The following RASEF variants were observed in gnomAD, a reference collection of about 807,000 sequenced individuals.
RASEF encodes the protein ras and EF-hand domain-containing protein.
In RASEF, 68 loss-of-function variants were observed where a neutral mutation model predicts 90.1. That is an observed-to-expected ratio of 0.75 (90% CI 0.62 to 0.92). The LOEUF (loss-of-function observed/expected upper bound fraction) is 0.92. Among genes scored for constraint, RASEF ranks in the 40% least tolerant of loss-of-function variants. The pLI is 0.00. For missense variants in RASEF, 949 were observed against 937.2 expected (o/e 1.01, Z -0.16); for synonymous variants, 331 against 345.2 (o/e 0.96, Z 0.46).
chr9:83,000,700 T>C (rs1373325004), intron 10 of RASEF, 130 bp from the exon 11 acceptor site: 6 of 931,108 alleles, frequency 6.4e-6, no homozygotes, highest in African/African-American at 3.3e-5. Context: ...ATGCTATTAA[T>C]ATTAGGGAAT....
the RASEF span, among the ~76,000 whole-genome samples, chr9:83,165,137 C>T: frequency 6.6e-6 from 1 of 152,048 alleles, no homozygotes; most frequent in African/African-American, 2.4e-5. Context: ...CTCAACAACA[C>T]CACCATCAAT....
the RASEF span, among the ~76,000 whole-genome samples, chr9:83,194,072 T>C: frequency 6.6e-6 from 1 of 152,204 alleles, no homozygotes; most frequent in Admixed American, 6.5e-5. Flanking sequence ...GTTTTTCCTG[T>C]TACCATCTTA....
At chr9:83,109,999 T>G in the RASEF span, among the ~76,000 whole-genome samples, 847 of 152,332 alleles carry the variant, frequency 5.6e-3, 8 homozygotes, top group African/African-American at 0.02. Flanking sequence ...TACAGATCCA[T>G]GCTGATACTC....
chr9:83,046,975 C>T (rs1829944788), intron 1 of RASEF, among the ~76,000 whole-genome samples: 1 of 151,984 alleles, frequency 6.6e-6, no homozygotes, highest in Admixed American at 6.6e-5. Context: ...ATCAAAGATA[C>T]TATTATGATG....
At chr9:83,193,865 G>C in the RASEF span, among the ~76,000 whole-genome samples, 3 of 152,286 alleles carry the variant, frequency 2.0e-5, no homozygotes, top group South Asian at 6.2e-4. Flanking sequence ...GATCTATTCA[G>C]CCACATTCAA....
chr9:83,059,006 A>G (rs996629590), intron 1 of RASEF, among the ~76,000 whole-genome samples: 2 of 152,108 alleles, frequency 1.3e-5, no homozygotes, highest in South Asian at 4.1e-4. Flanking sequence ...ACCTGACCTG[A>G]GGCTGTCCCT....
At chr9:83,181,862 T>C in the RASEF span, among the ~76,000 whole-genome samples, 1 of 152,216 alleles carries the variant, frequency 6.6e-6, no homozygotes, top group African/African-American at 2.4e-5. Context: ...TAAGTGTTTA[T>C]AAACCTACTT....
the RASEF span, among the ~76,000 whole-genome samples, chr9:83,144,467 AAGAAAAGAAG>A: frequency 1.9e-5 from 2 of 105,656 alleles, no homozygotes; most frequent in Non-Finnish European, 4.7e-5. Context: ...GAGAAGAGAA[AAGAAAAGAAG>A]AGAAAAGAAA....
At chr9:83,001,608 C>G (rs1178342136) in intron 9 of RASEF, among the ~76,000 whole-genome samples, 1 of 152,144 alleles carries the variant, frequency 6.6e-6, no homozygotes, top group Non-Finnish European at 1.5e-5. Flanking sequence ...ACCCTCAGAG[C>G]TGAAAAATAA....
the RASEF span, among the ~76,000 whole-genome samples, chr9:83,165,015 C>A: frequency 1.3e-5 from 2 of 151,852 alleles, no homozygotes; most frequent in Non-Finnish European, 2.9e-5. Context: ...CAAAAACTGA[C>A]AGAACTACGA....
chr9:83,013,587 T>C (rs938193863), intron 4 of RASEF, among the ~76,000 whole-genome samples: 1 of 152,168 alleles, frequency 6.6e-6, no homozygotes, highest in Non-Finnish European at 1.5e-5. Context: ...CAAATAAACA[T>C]CTTGCTGTTT....
the RASEF span, among the ~76,000 whole-genome samples, chr9:83,070,228 T>C: frequency 1.3e-5 from 2 of 152,174 alleles, no homozygotes; most frequent in Non-Finnish European, 2.9e-5. Context: ...TGCAAAGATA[T>C]CCCTTTTCTT....
At chr9:83,133,422 A>G in the RASEF span, among the ~76,000 whole-genome samples, 3 of 152,346 alleles carry the variant, frequency 2.0e-5, no homozygotes, top group Admixed American at 1.3e-4. Flanking sequence ...AACCTTAGTA[A>G]ATATATAACA....
the RASEF span, among the ~76,000 whole-genome samples, chr9:83,214,619 G>A: frequency 2.0e-5 from 3 of 152,086 alleles, no homozygotes; most frequent in African/African-American, 7.2e-5. Context: ...GACCCTGTGG[G>A]AGGTAATTGA....
chr9:83,176,370 A>G, the RASEF span, among the ~76,000 whole-genome samples: 2 of 152,030 alleles, frequency 1.3e-5, no homozygotes, highest in Admixed American at 1.3e-4. Context: ...ATTTCAATCT[A>G]TGTTTCTTTA....
At chr9:83,166,936 G>A in the RASEF span, among the ~76,000 whole-genome samples, 1 of 152,148 alleles carries the variant, frequency 6.6e-6, no homozygotes, top group Non-Finnish European at 1.5e-5. Context: ...CTTAAAGAAA[G>A]GGAATCTCTC....
At chr9:83,013,286 C>A (rs1471577746) in intron 4 of RASEF, among the ~76,000 whole-genome samples, 1 of 152,170 alleles carries the variant, frequency 6.6e-6, no homozygotes, top group East Asian at 1.9e-4. Flanking sequence ...TGTTGGTATT[C>A]ATTATTGGAA....
intron 1 of RASEF, chr9:83,048,807 T>A (rs779264910): frequency 1.0e-6 from 1 of 954,690 alleles, no homozygotes; most frequent in Admixed American, 6.2e-5. Flanking sequence ...ATATTTCTCA[T>A]ACTTGATTAA....
chr9:83,130,444 A>G, the RASEF span, among the ~76,000 whole-genome samples: 1 of 152,204 alleles, frequency 6.6e-6, no homozygotes, highest in African/African-American at 2.4e-5. Context: ...CATAGTTCAC[A>G]TTAAGGTTCA....
Sources: allele counts gnomAD v4.1 joint callset (sites outside exome capture counted in the v4.1 genomes callset), GRCh38; gene constraint gnomAD v4.1.1; transcripts MANE v1.5; gene names NCBI Gene and HGNC (gene_info 2026-07-23, HGNC 2026-07-21).